The following ERC2 variants were observed in gnomAD, a reference collection of about 807,000 sequenced individuals.
ERC2 encodes ERC protein 2.
A neutral mutation model predicts 114.8 loss-of-function variants in ERC2; 42 were observed. The observed-to-expected ratio is 0.37, with a 90% CI of 0.29 to 0.47. The LOEUF is 0.47. Ranked by LOEUF, ERC2 falls within the 20% of genes least tolerant of loss-of-function variation. The pLI, the probability that ERC2 is intolerant of heterozygous loss-of-function variation, is 0.99. For synonymous variants in ERC2, 454 were observed against 425.5 expected, an observed-to-expected ratio of 1.07 and a Z score of -0.82; for missense variants, 939 against 1,150.7, an observed-to-expected ratio of 0.82 and a Z score of 2.66.
intron 6 of ERC2, among the ~76,000 whole-genome samples, chr3:56,092,719 G>T (rs145407138): frequency 8.2e-4 from 125 of 152,160 alleles, no homozygotes; most frequent in African/African-American, 2.8e-3. Flanking sequence ...AAACCAATTT[G>T]CAAAGCTATC....
At chr3:55,590,526 T>C (rs1041396279) in intron 17 of ERC2, among the ~76,000 whole-genome samples, 6 of 152,160 alleles carry the variant, frequency 3.9e-5, no homozygotes, top group Non-Finnish European at 8.8e-5. Context: ...TGAATAAATA[T>C]GATTTTTCCA....
intron 7 of ERC2, among the ~76,000 whole-genome samples, chr3:56,057,167 A>C (rs2076053326): frequency 6.6e-6 from 1 of 152,122 alleles, no homozygotes; most frequent in South Asian, 2.1e-4. Flanking sequence ...TTTATTTCTA[A>C]TTACAGTAAA....
At chr3:55,984,077 A>G in intron 12 of ERC2, among the ~76,000 whole-genome samples, 1 of 152,184 alleles carries the variant, frequency 6.6e-6, no homozygotes, top group East Asian at 1.9e-4. Context: ...GCACATTTTC[A>G]TCATGTTCAT....
At chr3:55,580,050 A>C (rs2057181358) in intron 17 of ERC2, among the ~76,000 whole-genome samples, 1 of 152,250 alleles carries the variant, frequency 6.6e-6, no homozygotes, top group Admixed American at 6.5e-5. Context: ...AAAAGGTGAT[A>C]TGATAGTTTG....
intron 14 of ERC2, among the ~76,000 whole-genome samples, chr3:55,775,109 C>A (rs2149035421): frequency 6.6e-6 from 1 of 152,338 alleles, no homozygotes; most frequent in Non-Finnish European, 1.5e-5. Flanking sequence ...TGTCCTCCTG[C>A]CTTTAATCTC....
At chr3:56,011,833 G>C (rs757364684) in intron 8 of ERC2, among the ~76,000 whole-genome samples, 8 of 152,040 alleles carry the variant, frequency 5.3e-5, no homozygotes, top group Non-Finnish European at 8.8e-5. Flanking sequence ...TGATAAATAA[G>C]ACAACTGTAA....
At chr3:55,617,519 T>C (rs1302733840) in intron 17 of ERC2, among the ~76,000 whole-genome samples, 1 of 152,172 alleles carries the variant, frequency 6.6e-6, no homozygotes, top group Non-Finnish European at 1.5e-5. Flanking sequence ...GAATGTTTAA[T>C]ATGGCCCTGT....
chr3:56,020,440 T>A (rs572625085), intron 7 of ERC2, among the ~76,000 whole-genome samples: 3 of 152,294 alleles, frequency 2.0e-5, no homozygotes, highest in African/African-American at 7.2e-5. Flanking sequence ...CAGCTGCCAC[T>A]GTGAAAATTA....
At position 55,890,735 on chromosome 3, in the gene ERC2, T is replaced by C. The variant is rs549959362; in HGVS notation, c.2404-2186A>G. ...GGCCTCCAACATCAGTAACTGCTAG[T>C]ATCAGATGAGACGAAACTGCTCCTC... is the stretch of plus-strand genomic sequence containing the variant. On this transcript the variant is annotated intron_variant, in intron 13 of 17. Transcript: ENST00000288221. 1.3e-4 allele frequency among the ~76,000 whole-genome samples: 20 copies of C among 152,328 alleles called. No individual in the cohort carries two copies. The South Asian group carries it at 2.3e-3, about 17-fold the overall frequency.
rs1023372557 is a variant in ERC2 at position 56,002,965 on chromosome 3, T to C, written c.2061+4216A>G. 1.5e-5 allele frequency: 9 copies of C among 588,328 alleles called. No individual in the cohort carries two copies. In the Admixed American group the frequency reaches 2.2e-4, roughly 14 times the overall value. The allele number at this position is 588,328 out of a possible 1,614,324, so 36.4% of individuals were successfully genotyped here. ...TGGCAGTGGCCTCAGCACAGATCAT[T>C]TCTTTTGACAGAACGGAAAGGGGAA... On this transcript the variant is annotated intron_variant, in intron 10 of 17. Transcript: ENST00000288221.
At chr3:56,254,017 G>T (rs1383586409) in intron 3 of ERC2, among the ~76,000 whole-genome samples, 4 of 152,244 alleles carry the variant, frequency 2.6e-5, no homozygotes, top group African/African-American at 9.6e-5. Flanking sequence ...GTTTCAATGG[G>T]ATTAACAGGG....
chr3:55,842,395 G>A (rs1424942077), intron 14 of ERC2, among the ~76,000 whole-genome samples: 2 of 152,138 alleles, frequency 1.3e-5, no homozygotes, highest in South Asian at 2.1e-4. Flanking sequence ...CACAATGAAC[G>A]TTCAGCTCTC....
At chr3:55,879,400 C>A (rs2063019389) in intron 14 of ERC2, among the ~76,000 whole-genome samples, 1 of 152,266 alleles carries the variant, frequency 6.6e-6, no homozygotes, top group Middle Eastern at 3.4e-3. Context: ...CAGCATGAAT[C>A]AAGCCCAGTT....
Position 56,441,059 on chromosome 3 carries a change from G to A in ERC2, c.-140-5912C>T, listed in dbSNP as rs539513521. Among the ~76,000 whole-genome samples the A allele has an allele frequency of 6.6e-5, 10 of 152,296 alleles. No individual in the cohort carries two copies. The South Asian group carries it at 1.7e-3, about 25-fold the overall frequency. On this transcript the variant is annotated intron_variant, in intron 1 of 17. Coordinates refer to ENST00000288221, the MANE Select transcript of ERC2 (RefSeq NM_015576.3). ...ATGCAGTAGAGGAGACACTGTTCCA[G>A]CTCTGAGTCTAACCCTAAAGAGGCT...
At chr3:56,161,160 C>T (rs968420263) in intron 4 of ERC2, among the ~76,000 whole-genome samples, 2 of 152,174 alleles carry the variant, frequency 1.3e-5, no homozygotes, top group African/African-American at 4.8e-5. Context: ...CCAGTTCTTG[C>T]TCCAGCTTTT....
intron 6 of ERC2, among the ~76,000 whole-genome samples, chr3:56,112,782 C>G (rs74840316): frequency 0.064 from 9,797 of 152,028 alleles, 428 homozygotes; most frequent in Non-Finnish European, 0.1. Flanking sequence ...AGATTTAGTG[C>G]CGAAGAGAGG....
At chr3:56,191,711 AC>A (rs966383406) in intron 3 of ERC2, among the ~76,000 whole-genome samples, 2 of 151,962 alleles carry the variant, frequency 1.3e-5, no homozygotes, top group Non-Finnish European at 2.9e-5. Flanking sequence ...CCAGTTAACT[AC>A]CCTGATGTTC....
intron 12 of ERC2, among the ~76,000 whole-genome samples, chr3:55,962,606 T>G (rs1392074422): frequency 1.3e-5 from 2 of 152,244 alleles, no homozygotes; most frequent in African/African-American, 2.4e-5. Context: ...CTCTGTGACA[T>G]CACATGATGT....
intron 3 of ERC2, among the ~76,000 whole-genome samples, chr3:56,184,695 T>C (rs1279811044): frequency 6.6e-6 from 1 of 152,218 alleles, no homozygotes; most frequent in Non-Finnish European, 1.5e-5. Flanking sequence ...TGGTTTATAT[T>C]GCTATCTGCA....
Sources: allele counts gnomAD v4.1 joint callset (sites outside exome capture counted in the v4.1 genomes callset), GRCh38; gene constraint gnomAD v4.1.1; transcripts MANE v1.5; gene names NCBI Gene and HGNC (gene_info 2026-07-23, HGNC 2026-07-21).